Variants in MYO1C observed in about 807,000 individuals in gnomAD.
The protein encoded by MYO1C is myosin IC, also known as unconventional myosin-Ic.
In MYO1C, 104 loss-of-function variants were observed where a neutral mutation model predicts 150.8. The observed-to-expected ratio is 0.69, with a 90% CI of 0.59 to 0.81. MYO1C has a LOEUF of 0.81. MYO1C is among the 30% of genes least tolerant of loss of function. The probability of loss-of-function intolerance (pLI) is 0.00; values close to 1 mark genes in which losing one functional copy is unlikely to be tolerated. For synonymous variants in MYO1C, 663 were observed against 579.9 expected, an observed-to-expected ratio of 1.14 and a Z score of -2.06; for missense variants, 1,504 against 1,435.0, an observed-to-expected ratio of 1.05 and a Z score of -0.78.
In MYO1C at chr17:1,483,024, C is replaced by T. The variant is rs765655868; in HGVS notation, c.383G>A (p.Arg128His). ...CACAGCCTGGTCCCGACGCTCCGTG[C>T]GCAGTGCTCGGTACACAGTGTCCGC... ...AVADTVYRAL[R>H]TERRDQAVMI... The change falls in exon 4 of 32, where the codon CGC becomes CAC. Residue 128 changes from arginine to histidine, a missense_variant. Arg to His is a conservative substitution (Grantham distance 29). Coordinates refer to ENST00000648651, the MANE Select transcript of MYO1C (RefSeq NM_001080779.2). 2.2e-5 allele frequency: 36 copies of T among 1,611,340 alleles called. No homozygotes were observed. The highest frequency in any genetic ancestry group is 2.9e-5 in the Non-Finnish European group (34 of 1,179,784).
chr17:1,472,387 G>T, intron 17 of MYO1C, 159 bp from the exon 18 acceptor site: 1 of 658,134 alleles, frequency 1.5e-6, no homozygotes, highest in Admixed American at 2.5e-5. Context: ...AGCAGAGGAG[G>T]GGGCCAGACT....
Position 1,478,721 on chromosome 17 carries a change from C to T in MYO1C, c.1107G>A (p.Leu369=), listed in dbSNP as rs774583324. ...IAKGEELLSP[L]NLEQAAYARD... ...GTGCGTACGCGGCCTGCTCCAGGTT[C>T]AGCGGGCTCAGGAGCTGTGGACGCA... Residue 369 remains leucine, a synonymous_variant, in exon 10 of 32, where the codon CTG becomes CTA. Transcript: ENST00000648651. The surrounding 1 kb of genome is among the most constrained non-coding windows in gnomAD (Gnocchi z 6.3). The T allele has an allele frequency of 4.3e-6, 7 of 1,614,062 alleles. No individual in the cohort carries two copies. The Admixed American group carries it at 6.7e-5, about 15-fold the overall frequency.
chr17:1,479,537 A>ACCCCCCCCCCCCCCCCCCCC lies in MYO1C; in HGVS notation c.1021-36_1021-35insGGGGGGGGGGGGGGGGGGGG. The ACCCCCCCCCCCCCCCCCCCC allele has an allele frequency of 2.7e-6, 4 of 1,470,826 alleles. No individual in the cohort carries two copies. The highest frequency in any genetic ancestry group is 2.8e-6 in the Non-Finnish European group (3 of 1,072,234). The allele number at this position is 1,470,826 out of a possible 1,614,324, so 91.1% of individuals were successfully genotyped here. A position where few individuals can be genotyped will look rare whatever the true frequency, so the allele number is the denominator to read the frequency against. On this transcript the variant is annotated intron_variant, in intron 8 of 31. Transcript: ENST00000648651. This position sits in a 1 kb window ranked among gnomAD's most constrained non-coding sequence, Gnocchi z 4.2. Reference sequence around the variant, plus strand: ...GCAGGCGAGGACACGGTGAGGGTGCACCCCCAGCCCCCGCCCCCGCCGTCC... The same window carrying ACCCCCCCCCCCCCCCCCCCC: ...GCAGGCGAGGACACGGTGAGGGTGCACCCCCCCCCCCCCCCCCCCCCCCCCAGCCCCCGCCCCCGCCGTCC...
intron 1 of MYO1C, among the ~76,000 whole-genome samples, chr17:1,490,237 C>G (rs1216465113): frequency 6.6e-6 from 1 of 151,734 alleles, no homozygotes; most frequent in Non-Finnish European, 1.5e-5. Flanking sequence ...GTGGCTCAGG[C>G]CTGTAATCCC....
intron 17 of MYO1C, among the ~76,000 whole-genome samples, chr17:1,473,546 G>A (rs1006895105): frequency 1.3e-5 from 2 of 152,094 alleles, no homozygotes; most frequent in Non-Finnish European, 2.9e-5. Context: ...TCCCTGCCAG[G>A]CAGTCTGGCT....
rs45541839 is a variant in MYO1C at position 1,468,514 on chromosome 17, G to A, written c.2611-18C>T. 1 of 1,601,576 alleles carries A rather than the reference G, an allele frequency of 6.2e-7. No homozygotes were observed. The highest frequency in any genetic ancestry group is 1.1e-5 in the South Asian group (1 of 90,822). On this transcript the variant is annotated intron_variant, in intron 25 of 31. Transcript: ENST00000648651. ...TGCTGCAGCTGAGGAGACAAGGGGGGTGAGGAGAGTGTCATGGTGGGGAGC... is the reference window on the plus strand; with the variant it reads ...TGCTGCAGCTGAGGAGACAAGGGGGATGAGGAGAGTGTCATGGTGGGGAGC...
chr17:1,467,345 G>C lies in MYO1C; in HGVS notation c.3066-4C>G. 1 of 1,611,526 alleles carries C rather than the reference G, an allele frequency of 6.2e-7. No individual in the cohort carries two copies. The highest frequency in any genetic ancestry group is 8.5e-7 in the Non-Finnish European group (1 of 1,179,026). ...GGGGCCCCCTGCAAACGTGATGCTG[G>C]GGGAACGGGGTGGGTGAGGGTTTTT... On this transcript the variant is annotated splice_region_variant and splice_polypyrimidine_tract_variant and intron_variant, in intron 30 of 31. Transcript: ENST00000648651.
At chr17:1,474,538 C>A in intron 17 of MYO1C, 72 bp downstream of exon 17, 1 of 1,521,446 alleles carries the variant, frequency 6.6e-7, no homozygotes, top group South Asian at 1.1e-5. Flanking sequence ...GCTGCCAGCT[C>A]CCAGGCTCAC....
rs143516191 is a variant in MYO1C at position 1,472,712 on chromosome 17, C to CCA, written c.1798-486_1798-485dup. ...TGTATGCCTGTGGGTTCTGAGAGCCCCACAAAGGGACAATTCATCCAGTCT... is the reference window on the plus strand; with the variant it reads ...TGTATGCCTGTGGGTTCTGAGAGCCCCACACAAAGGGACAATTCATCCAGTCT... On this transcript the variant is annotated intron_variant, in intron 17 of 31. Transcript: ENST00000648651. 8.1e-3 allele frequency among the ~76,000 whole-genome samples: 1,231 copies of CCA among 152,242 alleles called. 9 individuals carry two copies. The highest frequency in any genetic ancestry group is 0.028 in the African/African-American group (1,175 of 41,524).
At chr17:1,490,280 A>G (rs962590496) in intron 1 of MYO1C, among the ~76,000 whole-genome samples, 2 of 151,074 alleles carry the variant, frequency 1.3e-5, no homozygotes, top group Non-Finnish European at 3.0e-5. Flanking sequence ...GGTGGATCAC[A>G]AGGTCAGGAG....
intron 19 of MYO1C, 133 bp downstream of exon 19, chr17:1,471,774 A>T (rs1165392675): frequency 5.1e-6 from 5 of 978,554 alleles, no homozygotes; most frequent in Non-Finnish European, 8.0e-6. Context: ...AAGGGCCTCC[A>T]CCAAGGGCAG....
intron 1 of MYO1C, among the ~76,000 whole-genome samples, chr17:1,488,037 C>T (rs2074686660): frequency 6.6e-6 from 1 of 152,128 alleles, no homozygotes; most frequent in African/African-American, 2.4e-5. Context: ...GAGCCCCTCC[C>T]GGAAGCTCAG....
In MYO1C at chr17:1,468,313, A is replaced by G; in HGVS notation, c.2705-5T>C. 6.2e-7 allele frequency: 1 copy of G among 1,614,084 alleles called. No individual in the cohort carries two copies. ...GGGGGCTGATCTCATCTGTACCTGCAACTCAGATGGCGGGGAGGGAAGTCA... is the reference window on the plus strand; with the variant it reads ...GGGGGCTGATCTCATCTGTACCTGCGACTCAGATGGCGGGGAGGGAAGTCA... On this transcript the variant is annotated splice_polypyrimidine_tract_variant and splice_region_variant and intron_variant, in intron 26 of 31. Transcript: ENST00000648651.
rs532159977 is a variant in MYO1C at position 1,485,619 on chromosome 17, G to A, written c.76-1316C>T. On this transcript the variant is annotated intron_variant, in intron 1 of 31. Coordinates refer to ENST00000648651, the MANE Select transcript of MYO1C (RefSeq NM_001080779.2). ...TCCTGGGCCGCGCCCGCTTCCTGGCGAGGCCGAGGCGACGCCGCGAGGTGG... is the reference window on the plus strand; with the variant it reads ...TCCTGGGCCGCGCCCGCTTCCTGGCAAGGCCGAGGCGACGCCGCGAGGTGG... 5.9e-4 allele frequency: 647 copies of A among 1,091,616 alleles called. No individual in the cohort carries two copies. In the Middle Eastern group the frequency reaches 7.5e-3, roughly 13 times the overall value. 67.6% of individuals were successfully genotyped at this position (1,091,616 alleles called of 1,614,324 possible).
chr17:1,479,542 C>A lies in MYO1C; in HGVS notation c.1021-40G>T, dbSNP rs1390926561. Reference sequence around the variant, plus strand: ...CGAGGACACGGTGAGGGTGCACCCCCAGCCCCCGCCCCCGCCGTCCTCCCG... The same window carrying A: ...CGAGGACACGGTGAGGGTGCACCCCAAGCCCCCGCCCCCGCCGTCCTCCCG... On this transcript the variant is annotated intron_variant, in intron 8 of 31. Transcript: ENST00000648651. The surrounding 1 kb of genome is among the most constrained non-coding windows in gnomAD (Gnocchi z 4.2). The A allele has an allele frequency of 1.4e-6, 2 of 1,425,632 alleles. No homozygotes were observed. Among genetic ancestry groups the A allele is most frequent in the Non-Finnish European group, 1.9e-6 (2 of 1,029,828 alleles). The allele number at this position is 1,425,632 out of a possible 1,614,324, so 88.3% of individuals were successfully genotyped here.
chr17:1,477,821 G>A, intron 13 of MYO1C, 70 bp downstream of exon 13: 1 of 1,433,400 alleles, frequency 7.0e-7, no homozygotes, highest in Non-Finnish European at 9.8e-7. Flanking sequence ...CCAGCCTGGA[G>A]AGAACGGAGA....
At chr17:1,483,322 A>G (rs2074576922) in intron 3 of MYO1C, among the ~76,000 whole-genome samples, 2 of 113,186 alleles carry the variant, frequency 1.8e-5, no homozygotes, top group Non-Finnish European at 3.6e-5. Context: ...ACTCACGGGT[A>G]GGGCTGGGGG....
intron 14 of MYO1C, chr17:1,477,221 C>G: frequency 2.9e-6 from 1 of 348,820 alleles, no homozygotes; most frequent in Non-Finnish European, 5.2e-6. Flanking sequence ...TCTTGTCACC[C>G]AGGCTGGAGT....
chr17:1,491,993 C>T (rs1331434579), intron 1 of MYO1C: 1 of 216,990 alleles, frequency 4.6e-6, no homozygotes, highest in East Asian at 1.3e-4. Context: ...TCTACCCACC[C>T]GTGACCCTTC....
Sources: allele counts gnomAD v4.1 joint callset (sites outside exome capture counted in the v4.1 genomes callset), GRCh38; gene constraint gnomAD v4.1.1; non-coding constraint Gnocchi (gnomAD v3.1); transcripts MANE v1.5; gene names NCBI Gene and HGNC (gene_info 2026-07-23, HGNC 2026-07-21).